LRP1B: variants seen among roughly 807,000 people sequenced by gnomAD.
The protein encoded by LRP1B is low-density lipoprotein receptor-related protein 1B.
LRP1B carries 217 observed loss-of-function variants against 556.6 expected under a neutral mutation model. That is an observed-to-expected ratio of 0.39 (90% CI 0.35 to 0.44). LRP1B has a LOEUF of 0.44. Ranked by LOEUF, LRP1B falls within the 20% of genes least tolerant of loss-of-function variation. The pLI, the probability that LRP1B is intolerant of heterozygous loss-of-function variation, is 1.00. For missense variants in LRP1B, 5,053 were observed against 5,620.8 expected, an observed-to-expected ratio of 0.90 and a Z score of 3.23; for synonymous variants, 2,047 against 1,865.8, an observed-to-expected ratio of 1.10 and a Z score of -2.50.
At chr2:140,493,417 G>C (rs963143848) in intron 56 of LRP1B, among the ~76,000 whole-genome samples, 1 of 152,058 alleles carries the variant, frequency 6.6e-6, no homozygotes, top group African/African-American at 2.4e-5. Flanking sequence ...CTTCAGAATT[G>C]ATTTGGAAAC....
Position 140,286,868 on chromosome 2 carries a change from C to A in LRP1B, c.12967+10940G>T, listed in dbSNP as rs187960186. Among the ~76,000 whole-genome samples, 1,040 of 151,712 alleles carry A rather than the reference C, an allele frequency of 6.9e-3. 7 individuals carry two copies. Among genetic ancestry groups the A allele is most frequent in the Non-Finnish European group, 0.01 (706 of 67,832 alleles). On this transcript the variant is annotated intron_variant, in intron 84 of 90. Transcript: ENST00000389484. ...AAAATAAATATCTGCATTAATTTTACAATTTACAGAAGACTTTTCTTATAG... is the reference window on the plus strand; with the variant it reads ...AAAATAAATATCTGCATTAATTTTAAAATTTACAGAAGACTTTTCTTATAG...
chr2:140,447,744 C>T (rs1048540647), intron 63 of LRP1B, among the ~76,000 whole-genome samples: 2 of 152,078 alleles, frequency 1.3e-5, no homozygotes, highest in Non-Finnish European at 2.9e-5. Flanking sequence ...TTTGAGATGC[C>T]TTTCTCACTA....
chr2:141,804,573 G>T (rs946978140), intron 2 of LRP1B, among the ~76,000 whole-genome samples: 1 of 152,012 alleles, frequency 6.6e-6, no homozygotes, highest in African/African-American at 2.4e-5. Context: ...TCCCAGCCAT[G>T]TCCTTAGGGA....
At chr2:141,177,238 C>G (rs972870402) in intron 7 of LRP1B, among the ~76,000 whole-genome samples, 1 of 151,978 alleles carries the variant, frequency 6.6e-6, no homozygotes, top group African/African-American at 2.4e-5. Context: ...GAAAAGCTGC[C>G]TGATAATGAG....
chr2:140,356,330 A>C lies in LRP1B; in HGVS notation c.11530+12T>G, dbSNP rs1682214457. ...AGATTTATGAGCAAACTGTTGAAGA[A>C]AAGTACTCTACCTTCACATTGTCTG... On this transcript the variant is annotated intron_variant, in intron 75 of 90. Coordinates refer to ENST00000389484, the MANE Select transcript of LRP1B (RefSeq NM_018557.3). 1 of 1,609,324 alleles carries C rather than the reference A, an allele frequency of 6.2e-7. No homozygotes were observed. Among genetic ancestry groups the C allele is most frequent in the Non-Finnish European group, 8.5e-7 (1 of 1,177,030 alleles).
At chr2:140,478,628 T>C (rs1298706124) in intron 59 of LRP1B, among the ~76,000 whole-genome samples, 1 of 152,138 alleles carries the variant, frequency 6.6e-6, no homozygotes, top group Non-Finnish European at 1.5e-5. Flanking sequence ...AAGCACTATA[T>C]AGCATCTGAA....
chr2:140,760,527 A>G (rs1161766916), intron 35 of LRP1B, among the ~76,000 whole-genome samples: 1 of 152,166 alleles, frequency 6.6e-6, no homozygotes, highest in Admixed American at 6.5e-5. Flanking sequence ...CACATATTGA[A>G]TGGTTAGATA....
chr2:140,452,969 T>TG (rs934757117), intron 62 of LRP1B, among the ~76,000 whole-genome samples: 2 of 149,842 alleles, frequency 1.3e-5, no homozygotes, highest in African/African-American at 4.9e-5. Flanking sequence ...GTGTTTTTTT[T>TG]TTTTTTTTTT....
chr2:141,736,525 G>A (rs1693473170), intron 2 of LRP1B, among the ~76,000 whole-genome samples: 1 of 152,070 alleles, frequency 6.6e-6, no homozygotes, highest in Non-Finnish European at 1.5e-5. Context: ...GAAGCTAGTG[G>A]CCGAGACTCA....
chr2:140,479,717 T>G (rs1688148921), intron 59 of LRP1B, among the ~76,000 whole-genome samples: 1 of 152,200 alleles, frequency 6.6e-6, no homozygotes, highest in Non-Finnish European at 1.5e-5. Context: ...CCTGTGTGTT[T>G]TTGCCTGAAT....
intron 1 of LRP1B, among the ~76,000 whole-genome samples, chr2:142,042,519 C>T (rs572581396): frequency 5.9e-4 from 89 of 151,580 alleles, no homozygotes; most frequent in African/African-American, 1.9e-3. Flanking sequence ...CATTTGATCT[C>T]TACTGTCCCA....
intron 1 of LRP1B, among the ~76,000 whole-genome samples, chr2:142,013,177 C>T (rs1336326549): frequency 1.3e-5 from 2 of 151,952 alleles, no homozygotes; most frequent in Non-Finnish European, 2.9e-5. Flanking sequence ...AAAAATGGCG[C>T]TCATAATCCT....
intron 35 of LRP1B, among the ~76,000 whole-genome samples, chr2:140,738,466 A>G (rs1038398547): frequency 2.0e-5 from 3 of 152,004 alleles, no homozygotes; most frequent in Non-Finnish European, 2.9e-5. Flanking sequence ...GAATGGGGAG[A>G]GCGTAACTAA....
intron 3 of LRP1B, among the ~76,000 whole-genome samples, chr2:141,323,376 T>C (rs1559004896): frequency 6.6e-6 from 1 of 152,156 alleles, no homozygotes. Context: ...GTTTGTGTGT[T>C]TTTAATGATC....
chr2:140,509,790 G>A (rs1483245188), intron 52 of LRP1B, 138 bp downstream of exon 52: 2 of 1,168,630 alleles, frequency 1.7e-6, no homozygotes, highest in African/African-American at 3.1e-5. Flanking sequence ...CATCCCACCT[G>A]ATTAAGTCCA....
chr2:141,568,085 A>T (rs149191413), intron 2 of LRP1B, among the ~76,000 whole-genome samples: 1 of 151,082 alleles, frequency 6.6e-6, no homozygotes, highest in East Asian at 1.9e-4. Flanking sequence ...AATATTTAAG[A>T]CTTGCTTGCT....
intron 35 of LRP1B, among the ~76,000 whole-genome samples, chr2:140,756,242 G>A (rs1688737530): frequency 6.6e-6 from 1 of 151,962 alleles, no homozygotes; most frequent in Non-Finnish European, 1.5e-5. Flanking sequence ...ATATTGTTAA[G>A]ATCACAATAA....
rs531051776 is a variant in LRP1B, at chr2:140,466,098, T to C, written c.9626-8447A>G. On this transcript the variant is annotated intron_variant, in intron 60 of 90. Transcript: ENST00000389484. The stretch of plus-strand genomic sequence containing the variant: ...GTGCAGGTCGGGGGGTGGGAAGTAT[T>C]ATTTCAATTTCCTCTTTTCTTTTTT... Among the ~76,000 whole-genome samples, 5 of 150,946 alleles carry C rather than the reference T, an allele frequency of 3.3e-5. No individual in the cohort carries two copies. In the South Asian group the frequency reaches 1.0e-3, roughly 31 times the overall value.
At chr2:140,593,583 G>C (rs1466271985) in intron 43 of LRP1B, among the ~76,000 whole-genome samples, 1 of 151,990 alleles carries the variant, frequency 6.6e-6, no homozygotes, top group Non-Finnish European at 1.5e-5. Context: ...TATTTAGGTA[G>C]AACCACCACA....
Sources: gnomAD v4.1 joint callset for allele counts (sites outside exome capture counted in the v4.1 genomes callset) on GRCh38, gnomAD v4.1.1 for gene constraint, MANE v1.5 for transcripts, NCBI Gene and HGNC (gene_info 2026-07-23, HGNC 2026-07-21) for gene names.